Variants in FREM1 observed in about 807,000 individuals in gnomAD.
The protein encoded by FREM1 is FRAS1 related extracellular matrix 1.
Under a neutral mutation model 210.1 loss-of-function variants are expected in FREM1, and 220 were observed. The observed-to-expected ratio is 1.05, with a 90% CI of 0.94 to 1.17. FREM1 has a LOEUF of 1.17. FREM1 is among the 50% of genes most tolerant of loss of function. The probability of loss-of-function intolerance (pLI) is 0.00; values close to 1 mark genes in which losing one functional copy is unlikely to be tolerated. For synonymous variants in FREM1, 1,189 were observed against 980.2 expected, an observed-to-expected ratio of 1.21 and a Z score of -3.98; for missense variants, 3,454 against 2,675.5, an observed-to-expected ratio of 1.29 and a Z score of -6.42.
At chr9:14,794,196 T>C (rs1300997366) in intron 21 of FREM1, among the ~76,000 whole-genome samples, 1 of 152,084 alleles carries the variant, frequency 6.6e-6, no homozygotes, top group Non-Finnish European at 1.5e-5. Context: ...ATTTGTGAAG[T>C]GATTCCAGGA....
At chr9:14,842,716 C>T in intron 8 of FREM1, 56 bp from the exon 9 acceptor site, 1 of 1,303,534 alleles carries the variant, frequency 7.7e-7, no homozygotes. Flanking sequence ...GAAGCAGCAG[C>T]TGTGGGGAAA....
At chr9:14,900,913 A>G (rs1838676538) in intron 1 of FREM1, among the ~76,000 whole-genome samples, 2 of 152,134 alleles carry the variant, frequency 1.3e-5, no homozygotes, top group African/African-American at 4.8e-5. Flanking sequence ...GTTTTTTCCT[A>G]TGTTGAGAAA....
intron 2 of FREM1, among the ~76,000 whole-genome samples, chr9:14,866,057 TCTGGAAATACATACA>T (rs1831459693): frequency 6.6e-6 from 1 of 152,198 alleles, no homozygotes; most frequent in South Asian, 2.1e-4. Context: ...CATATTTGCC[TCTGGAAATACATACA>T]CTAAGTATTC....
intron 27 of FREM1, among the ~76,000 whole-genome samples, chr9:14,769,421 G>C (rs913644324): frequency 6.6e-6 from 1 of 152,278 alleles, no homozygotes; most frequent in Non-Finnish European, 1.5e-5. Flanking sequence ...CTCAGTGTTG[G>C]ATGCTAGTGA....
At chr9:14,790,700 T>C (rs1159295717) in intron 22 of FREM1, 3 of 152,178 alleles carry the variant, frequency 2.0e-5, no homozygotes, top group Non-Finnish European at 4.4e-5. Flanking sequence ...AAGAAAACGA[T>C]AACTCTTGGG....
rs1818090714 is a variant in FREM1 at position 14,804,992 on chromosome 9, A to G, written c.3435T>C (p.Asn1145=). ...IPFSIIINPT[N]DEAPDFVVQN... ...GCACTACAAAGTCAGGAGCTTCATC[A>G]TTTGTGGGGTTGATTATAATAGAAA... Residue 1145 remains asparagine, a synonymous_variant, in exon 19 of 37, where the codon AAT becomes AAC. Coordinates refer to ENST00000380880, the MANE Select transcript of FREM1 (RefSeq NM_001379081.2). 1.2e-6 allele frequency: 2 copies of G among 1,613,456 alleles called. No homozygotes were observed. The highest frequency in any genetic ancestry group is 2.2e-5 in the South Asian group (2 of 91,062).
rs760348481 is a variant in FREM1, at chr9:14,770,810, G to C, written c.4858-4C>G. 5.0e-6 allele frequency: 8 copies of C among 1,606,646 alleles called. No homozygotes were observed. The African/African-American group carries it at 9.4e-5, about 19-fold the overall frequency. ...CTGTTTTGTCCAATTGGTCTACCTG[G>C]ATCATCAACAATGACATAAAATGTT... is the stretch of plus-strand genomic sequence containing the variant. On this transcript the variant is annotated splice_region_variant and splice_polypyrimidine_tract_variant and intron_variant, in intron 25 of 36. Transcript: ENST00000380880.
chr9:14,867,107 G>A (rs775424546), intron 2 of FREM1, among the ~76,000 whole-genome samples: 5 of 151,974 alleles, frequency 3.3e-5, no homozygotes, highest in Admixed American at 6.6e-5. Context: ...TGATCCACCC[G>A]CCTCAGCCAC....
chr9:14,906,069 G>C (rs558160563), intron 1 of FREM1, among the ~76,000 whole-genome samples: 11 of 152,230 alleles, frequency 7.2e-5, no homozygotes, highest in African/African-American at 2.4e-4. Flanking sequence ...TGCCATGTTT[G>C]TTTTCTTTTC....
At position 14,819,376 on chromosome 9, in the gene FREM1, T is replaced by C. The variant is rs772934685; in HGVS notation, c.2404A>G (p.Ile802Val). ...TCCAGCTTGGTATCTGCATCAGAAATTAGAATGTGCTCTGTGCTGATGATG... is the reference window on the plus strand; with the variant it reads ...TCCAGCTTGGTATCTGCATCAGAAACTAGAATGTGCTCTGTGCTGATGATG... ...QSIISTEHIL[I>V]SDADTKLDNI... Residue 802 changes from isoleucine (I) to valine (V), a missense_variant, in exon 14 of 37, where the codon ATT (isoleucine) becomes GTT (valine). Coordinates refer to ENST00000380880, the MANE Select transcript of FREM1 (RefSeq NM_001379081.2). 8.1e-6 allele frequency: 13 copies of C among 1,613,682 alleles called. No individual in the cohort carries two copies. The highest frequency in any genetic ancestry group is 1.1e-5 in the Non-Finnish European group (13 of 1,179,674).
intron 23 of FREM1, among the ~76,000 whole-genome samples, chr9:14,787,402 T>G (rs1850588754): frequency 6.6e-6 from 1 of 152,222 alleles, no homozygotes; most frequent in Non-Finnish European, 1.5e-5. Context: ...TCAAAAATCC[T>G]TTTAGAAAAT....
chr9:14,764,752 C>T (rs769833547), intron 27 of FREM1, among the ~76,000 whole-genome samples: 63 of 152,216 alleles, frequency 4.1e-4, no homozygotes, highest in African/African-American at 1.4e-3. Flanking sequence ...TTGAGACACC[C>T]GGTCCTGGAG....
chr9:14,788,825 G>A lies in FREM1; in HGVS notation c.4177+94C>T. ...TGAAGAGTGGCAGGAAAAAAGGAAAGAAGGGAGGGAAAGAGAGAGAAAGAA... is the reference window on the plus strand; with the variant it reads ...TGAAGAGTGGCAGGAAAAAAGGAAAAAAGGGAGGGAAAGAGAGAGAAAGAA... On this transcript the variant is annotated intron_variant, in intron 23 of 36. Coordinates refer to ENST00000380880, the MANE Select transcript of FREM1 (RefSeq NM_001379081.2). The A allele has an allele frequency of 3.1e-6, 3 of 953,372 alleles. No homozygotes were observed. In the South Asian group the frequency reaches 6.0e-5, roughly 19 times the overall value. 59.1% of individuals were successfully genotyped at this position (953,372 alleles called of 1,614,324 possible).
At chr9:14,800,207 G>C (rs78056107) in intron 20 of FREM1, among the ~76,000 whole-genome samples, 4,619 of 152,228 alleles carry the variant, frequency 0.03, 95 homozygotes, top group Non-Finnish European at 0.037. Flanking sequence ...AACAAGCACA[G>C]AGAAGGAGTG....
At chr9:14,756,941 T>A (rs1028654056) in intron 28 of FREM1, among the ~76,000 whole-genome samples, 1 of 152,124 alleles carries the variant, frequency 6.6e-6, no homozygotes, top group East Asian at 1.9e-4. Flanking sequence ...TAGACTAGAT[T>A]AACTCAAACA....
chr9:14,739,714 C>T (rs78029057), intron 36 of FREM1, among the ~76,000 whole-genome samples: 18,636 of 151,298 alleles, frequency 0.12, 1,287 homozygotes, highest in Non-Finnish European at 0.15. Context: ...ATATAATGTG[C>T]ATCCAACATA....
At chr9:14,752,825 A>C (rs374670083) in intron 29 of FREM1, among the ~76,000 whole-genome samples, 30 of 152,176 alleles carry the variant, frequency 2.0e-4, no homozygotes, top group African/African-American at 7.2e-4. Context: ...TTTTAAGGTT[A>C]ATTTTTTAAA....
intron 2 of FREM1, among the ~76,000 whole-genome samples, chr9:14,866,866 T>TC (rs1030516778): frequency 3.3e-5 from 5 of 151,834 alleles, no homozygotes; most frequent in East Asian, 1.9e-4. Flanking sequence ...CATTTTCCTT[T>TC]CTTTTTTTTT....
At chr9:14,778,580 C>A (rs541437897) in intron 24 of FREM1, among the ~76,000 whole-genome samples, 3 of 140,434 alleles carry the variant, frequency 2.1e-5, no homozygotes, top group Non-Finnish European at 4.6e-5. Context: ...CGCACTCCAG[C>A]CTGGGCAACA....
Sources: allele counts gnomAD v4.1 joint callset (sites outside exome capture counted in the v4.1 genomes callset), GRCh38; gene constraint gnomAD v4.1.1; transcripts MANE v1.5; gene names NCBI Gene and HGNC (gene_info 2026-07-23, HGNC 2026-07-21).